The following KCNMB2 variants were observed in gnomAD, a reference collection of about 807,000 sequenced individuals.
KCNMB2 encodes the protein calcium-activated potassium channel subunit beta-2.
In KCNMB2, 9 loss-of-function variants were observed where a neutral mutation model predicts 24.5. The observed-to-expected ratio is 0.37, with a 90% CI of 0.22 to 0.64. The LOEUF is 0.64. Among genes scored for constraint, KCNMB2 ranks in the 30% least tolerant of loss-of-function variants. KCNMB2 has a pLI of 0.63. For missense variants in KCNMB2, 226 were observed against 284.3 expected, an observed-to-expected ratio of 0.79 and a Z score of 1.47; for synonymous variants, 109 against 104.4, an observed-to-expected ratio of 1.04 and a Z score of -0.27.
intron 1 of KCNMB2, among the ~76,000 whole-genome samples, chr3:178,729,945 C>A (rs1172284386): frequency 6.6e-6 from 1 of 152,154 alleles, no homozygotes; most frequent in Non-Finnish European, 1.5e-5. Context: ...TGACAAAAGG[C>A]TCTCTTCATT....
At position 178,782,700 on chromosome 3, in the gene KCNMB2, C is replaced by T. The variant is rs1457572955; in HGVS notation, c.-67-24643C>T. Among the ~76,000 whole-genome samples the T allele has an allele frequency of 1.9e-3, 289 of 151,040 alleles. 1 individual carries two copies. Among genetic ancestry groups the T allele is most frequent in the African/African-American group, 6.5e-3 (266 of 41,218 alleles). ...TAGATTCTGGATATTAGCCCTTTGT[C>T]AGATGAGTAGGTTGCGAAAATTTTC... On this transcript the variant is annotated intron_variant, in intron 1 of 4. Coordinates refer to ENST00000452583, the MANE Select transcript of KCNMB2 (RefSeq NM_181361.3).
chr3:178,636,551 G>A (rs1230115294), intron 1 of KCNMB2, among the ~76,000 whole-genome samples: 2 of 152,124 alleles, frequency 1.3e-5, no homozygotes, highest in Non-Finnish European at 2.9e-5. Context: ...TGTGCATTGG[G>A]GACTTAATAT....
At chr3:178,841,546 G>A (rs150562921) in intron 4 of KCNMB2, 1 of 152,334 alleles carries the variant, frequency 6.6e-6, no homozygotes, top group East Asian at 1.9e-4. Context: ...TTAACTCACA[G>A]TTCCACATGG....
intron 1 of KCNMB2, among the ~76,000 whole-genome samples, chr3:178,576,462 C>T (rs1005711561): frequency 2.0e-5 from 3 of 152,070 alleles, no homozygotes; most frequent in Non-Finnish European, 4.4e-5. Flanking sequence ...TTTTCATACC[C>T]CAGTGGTGCC....
intron 1 of KCNMB2, among the ~76,000 whole-genome samples, chr3:178,616,242 A>G (rs1357533642): frequency 2.0e-5 from 3 of 152,178 alleles, no homozygotes; most frequent in Non-Finnish European, 4.4e-5. Flanking sequence ...ATTAGGACTC[A>G]CGTAAGAGTT....
At chr3:178,556,993 T>C (rs375061243) in intron 1 of KCNMB2, among the ~76,000 whole-genome samples, 2 of 152,130 alleles carry the variant, frequency 1.3e-5, no homozygotes, top group East Asian at 3.8e-4. Context: ...GGTGTTTTAT[T>C]AGGATAATAA....
rs573037653 is a variant in KCNMB2 at position 178,696,600 on chromosome 3, C to G, written c.-67-110743C>G. Among the ~76,000 whole-genome samples, 317 of 152,124 alleles carry G rather than the reference C, an allele frequency of 2.1e-3. 2 individuals carry two copies. Among genetic ancestry groups the G allele is most frequent in the African/African-American group, 7.3e-3 (305 of 41,512 alleles). ...TGTATTTTCATTTCTCAATCTTATT[C>G]AGTTCAGTTCTGATTTTTGTTATTT... On this transcript the variant is annotated intron_variant, in intron 1 of 4. Transcript: ENST00000452583.
chr3:178,757,102 C>A lies in KCNMB2; in HGVS notation c.-67-50241C>A, dbSNP rs1368038210. 5 of 149,770 alleles carry A rather than the reference C, an allele frequency of 3.3e-5. No homozygotes were observed. In the East Asian group the frequency reaches 9.8e-4, roughly 29 times the overall value. The allele number at this position is 149,770 out of a possible 1,614,324, so 9.3% of individuals were successfully genotyped here. On this transcript the variant is annotated intron_variant, in intron 1 of 4. Transcript: ENST00000452583. ...TACCTCTCTTACATTTCCGCCCCATCTTTGTTTCTTCTTTCTCCTTAAGTT... is the reference window on the plus strand; with the variant it reads ...TACCTCTCTTACATTTCCGCCCCATATTTGTTTCTTCTTTCTCCTTAAGTT...
chr3:178,759,042 GATATATATATATATATAT>G (rs1175571508), intron 1 of KCNMB2, among the ~76,000 whole-genome samples: 3 of 298 alleles, frequency 0.01, no homozygotes, highest in Non-Finnish European at 9.5e-3. Flanking sequence ...CTCCAAGAGG[GATATATATATATATATAT>G]ATATATATAT....
intron 1 of KCNMB2, among the ~76,000 whole-genome samples, chr3:178,547,348 T>G (rs773524293): frequency 6.6e-6 from 1 of 152,218 alleles, no homozygotes; most frequent in Non-Finnish European, 1.5e-5. Flanking sequence ...AGAAAATCAC[T>G]TCATAGAGTT....
At chr3:178,724,011 T>C (rs901778452) in intron 1 of KCNMB2, among the ~76,000 whole-genome samples, 16 of 152,312 alleles carry the variant, frequency 1.1e-4, no homozygotes, top group Middle Eastern at 3.4e-3. Flanking sequence ...AGTAATGAGA[T>C]TGCTGCATTG....
At chr3:178,780,094 A>G (rs978848656) in intron 1 of KCNMB2, among the ~76,000 whole-genome samples, 8 of 149,944 alleles carry the variant, frequency 5.3e-5, no homozygotes, top group Non-Finnish European at 1.2e-4. Flanking sequence ...TTATGGGTTA[A>G]ACACATTTGC....
intron 1 of KCNMB2, among the ~76,000 whole-genome samples, chr3:178,741,104 G>A (rs1723480694): frequency 6.6e-6 from 1 of 152,190 alleles, no homozygotes. Context: ...ATTAATAAAT[G>A]AACATGTTTG....
chr3:178,825,837 C>G, intron 3 of KCNMB2, 79 bp downstream of exon 3: 4 of 1,052,744 alleles, frequency 3.8e-6, no homozygotes, highest in Non-Finnish European at 4.2e-6. Flanking sequence ...ACCCTAAGGT[C>G]ATCTTCCTCA....
At chr3:178,695,866 C>A (rs1171202935) in intron 1 of KCNMB2, among the ~76,000 whole-genome samples, 4 of 152,186 alleles carry the variant, frequency 2.6e-5, no homozygotes, top group African/African-American at 7.2e-5. Flanking sequence ...ATGGTTCCAA[C>A]CTCTGCCTGT....
chr3:178,568,906 A>AGATAGATG (rs1560112551), intron 1 of KCNMB2, among the ~76,000 whole-genome samples: 3 of 150,176 alleles, frequency 2.0e-5, no homozygotes, highest in South Asian at 2.1e-4. Flanking sequence ...ATAGATGGAT[A>AGATAGATG]GATAGACTGA....
chr3:178,693,892 C>CT (rs71181242), intron 1 of KCNMB2, among the ~76,000 whole-genome samples: 101,502 of 144,936 alleles, frequency 0.7, 35,528 homozygotes, highest in African/African-American at 0.82. Context: ...TTTTCTTTTT[C>CT]TTTTTTTTTT....
Position 178,675,373 on chromosome 3 carries a change from C to T in KCNMB2, c.-67-131970C>T, listed in dbSNP as rs968000836. Among the ~76,000 whole-genome samples the T allele has an allele frequency of 3.9e-5, 6 of 152,146 alleles. No homozygotes were observed. In the East Asian group the frequency reaches 5.8e-4, roughly 15 times the overall value. On this transcript the variant is annotated intron_variant, in intron 1 of 4. Coordinates refer to ENST00000452583, the MANE Select transcript of KCNMB2 (RefSeq NM_181361.3). Reference sequence around the variant, plus strand: ...TTGCATCAAGCTAAGTACCAGTTACCGTGTTTCTGAGGGCATTTCAAGAGA... The same window carrying T: ...TTGCATCAAGCTAAGTACCAGTTACTGTGTTTCTGAGGGCATTTCAAGAGA...
intron 1 of KCNMB2, among the ~76,000 whole-genome samples, chr3:178,629,531 T>C (rs763191187): frequency 6.6e-6 from 1 of 152,070 alleles, no homozygotes; most frequent in African/African-American, 2.4e-5. Flanking sequence ...ATCAGAGAGA[T>C]TGAAAACAAC....
Sources: gnomAD v4.1 joint callset for allele counts (sites outside exome capture counted in the v4.1 genomes callset) on GRCh38, gnomAD v4.1.1 for gene constraint, MANE v1.5 for transcripts, NCBI Gene and HGNC (gene_info 2026-07-23, HGNC 2026-07-21) for gene names.